The following IFT140 variants were observed in gnomAD, a reference collection of about 807,000 sequenced individuals.
The protein encoded by IFT140 is intraflagellar transport protein 140 homolog.
IFT140 carries 133 observed loss-of-function variants against 164.6 expected under a neutral mutation model. That is an observed-to-expected ratio of 0.81 (90% CI 0.70 to 0.93). IFT140 has a LOEUF of 0.93. Among genes scored for constraint, IFT140 ranks in the 40% least tolerant of loss-of-function variants. IFT140 has a pLI of 0.00. For missense variants in IFT140, 2,045 were observed against 1,972.3 expected, an observed-to-expected ratio of 1.04 and a Z score of -0.70; for synonymous variants, 860 against 817.3, an observed-to-expected ratio of 1.05 and a Z score of -0.89.
intron 7 of IFT140, among the ~76,000 whole-genome samples, chr16:1,589,016 G>A (rs1417627313): frequency 6.6e-6 from 1 of 152,194 alleles, no homozygotes; most frequent in South Asian, 2.1e-4. Flanking sequence ...CTGCTGTCAC[G>A]TCACGCAGTC....
At chr16:1,570,617 G>A (rs938200812) in intron 14 of IFT140, among the ~76,000 whole-genome samples, 2 of 152,096 alleles carry the variant, frequency 1.3e-5, no homozygotes, top group South Asian at 2.1e-4. Context: ...CTAAGTGCTC[G>A]CCAGGGCCTC....
chr16:1,557,881 A>G, intron 19 of IFT140, 54 bp downstream of exon 19: 1 of 1,551,858 alleles, frequency 6.4e-7, no homozygotes, highest in Non-Finnish European at 8.9e-7. Context: ...GGGAGAAAGG[A>G]AAGAGCCGTG....
intron 30 of IFT140, among the ~76,000 whole-genome samples, chr16:1,512,188 G>A (rs1207291502): frequency 7.3e-5 from 8 of 109,708 alleles, no homozygotes; most frequent in Admixed American, 3.6e-4. Context: ...GGGCAGGACA[G>A]GCGGCATAGG....
intron 19 of IFT140, among the ~76,000 whole-genome samples, chr16:1,527,295 C>T (rs928313979): frequency 2.0e-5 from 3 of 152,198 alleles, no homozygotes; most frequent in African/African-American, 7.2e-5. Flanking sequence ...GACCCTGACC[C>T]AGCCCTGGAA....
At chr16:1,610,263 T>C (rs201326549) in intron 2 of IFT140, 1 of 155,034 alleles carries the variant, frequency 6.5e-6, no homozygotes, top group Non-Finnish European at 1.5e-5. Context: ...CGCTGGCGGT[T>C]TGATGCAACA....
intron 12 of IFT140, 115 bp from the exon 13 acceptor site, chr16:1,580,965 A>G (rs2034528106): frequency 2.8e-6 from 2 of 704,038 alleles, no homozygotes; most frequent in African/African-American, 1.8e-5. Context: ...CCACAGCTTC[A>G]TAGGGGTGCA....
rs2034009564 is a variant in IFT140, at chr16:1,571,482, A to G, written c.1577T>C (p.Phe526Ser). The change falls in exon 14 of 31, where the codon TTC (phenylalanine) becomes TCC (serine). Residue 526 changes from phenylalanine (F) to serine (S), a missense_variant. Coordinates refer to ENST00000426508, the MANE Select transcript of IFT140 (RefSeq NM_014714.4). ...CAGGAAATTCCCACAGATGTCCAAGAAGCAGGGATTCCCCTCAGTCTCCGA... is the reference window on the plus strand; with the variant it reads ...CAGGAAATTCCCACAGATGTCCAAGGAGCAGGGATTCCCCTCAGTCTCCGA... ...LFSETEGNPC[F>S]LDICGNFLVV... 1 of 1,614,030 alleles carries G rather than the reference A, an allele frequency of 6.2e-7. No individual in the cohort carries two copies. The highest frequency in any genetic ancestry group is 8.5e-7 in the Non-Finnish European group (1 of 1,179,964).
chr16:1,554,045 A>G (rs1367502933), intron 19 of IFT140: 2 of 1,287,142 alleles, frequency 1.6e-6, no homozygotes, highest in African/African-American at 3.0e-5. Context: ...CAGGCTCTGG[A>G]AAGAGAGGGG....
At chr16:1,513,172 CTA>C (rs2040223430) in intron 30 of IFT140, 2 of 152,164 alleles carry the variant, frequency 1.3e-5, no homozygotes, top group Non-Finnish European at 2.9e-5. Flanking sequence ...GTGCAATTCT[CTA>C]TGTTGGCTAC....
At position 1,602,572 on chromosome 16, in the gene IFT140, G is replaced by GT. The variant is rs1567429014; in HGVS notation, c.166dup (p.Thr56AsnfsTer34). On this transcript the variant is annotated frameshift_variant, in exon 4 of 31. Coordinates refer to ENST00000426508, the MANE Select transcript of IFT140 (RefSeq NM_014714.4). LOFTEE classifies it high-confidence loss of function. ...AACCCGGAACGGCCTCTCGACGTGTGTATCTGGCACGCACTCCCCCTGCAT... is the reference window on the plus strand; with the variant it reads ...AACCCGGAACGGCCTCTCGACGTGTGTTATCTGGCACGCACTCCCCCTGCAT... 1.9e-6 allele frequency: 3 copies of GT among 1,612,578 alleles called. No homozygotes were observed. The African/African-American group carries it at 4.0e-5, about 22-fold the overall frequency.
intron 26 of IFT140, among the ~76,000 whole-genome samples, chr16:1,521,022 T>C (rs1157187913): frequency 2.0e-5 from 3 of 152,196 alleles, no homozygotes; most frequent in Non-Finnish European, 4.4e-5. Flanking sequence ...CATTCCAGAA[T>C]GGAACGAAGG....
intron 19 of IFT140, among the ~76,000 whole-genome samples, chr16:1,539,981 T>C (rs552789229): frequency 1.8e-4 from 28 of 152,210 alleles, no homozygotes; most frequent in Admixed American, 1.5e-3. Flanking sequence ...AAGCCTGGCA[T>C]CCAGGAAGGA....
chr16:1,565,238 G>A (rs528784287), intron 16 of IFT140, among the ~76,000 whole-genome samples: 74 of 152,190 alleles, frequency 4.9e-4, no homozygotes, highest in Non-Finnish European at 9.4e-4. Context: ...GGTTCGAGGA[G>A]CGGCCCAAGA....
chr16:1,601,903 C>T (rs924722555), intron 4 of IFT140, among the ~76,000 whole-genome samples: 6 of 152,208 alleles, frequency 3.9e-5, no homozygotes, highest in African/African-American at 1.4e-4. Flanking sequence ...GATTCAGTTG[C>T]CTCTGCACCA....
At position 1,580,831 on chromosome 16, in the gene IFT140, C is replaced by T. The variant is rs914258252; in HGVS notation, c.1452G>A (p.Thr484=). 15 of 1,613,254 alleles carry T rather than the reference C, an allele frequency of 9.3e-6. No homozygotes were observed. The highest frequency in any genetic ancestry group is 5.0e-5 in the Admixed American group (3 of 59,974). The change falls in exon 13 of 31, where the codon ACG becomes ACA. Residue 484 remains threonine, a synonymous_variant. Transcript: ENST00000426508. The part of the protein sequence containing the change: ...IRSAGTFLCE[T]PVLAMHEENV... The stretch of plus-strand genomic sequence containing the variant: ...TTTCTTCATGCATTGCTAACACAGG[C>T]GTCTCACACAAGAAGGTCCCTAAAA...
chr16:1,554,089 G>C, intron 19 of IFT140: 1 of 1,287,174 alleles, frequency 7.8e-7, no homozygotes, highest in Non-Finnish European at 1.0e-6. Flanking sequence ...AGGGAGGAGG[G>C]AGGGTCTAGA....
intron 10 of IFT140, among the ~76,000 whole-genome samples, chr16:1,584,908 G>GA (rs1170596659): frequency 1.3e-5 from 2 of 152,090 alleles, no homozygotes; most frequent in African/African-American, 2.4e-5. Context: ...TTCCATATAG[G>GA]AAAAAACCCA....
chr16:1,576,194 G>A (rs1488358675), intron 13 of IFT140, among the ~76,000 whole-genome samples: 1 of 151,268 alleles, frequency 6.6e-6, no homozygotes, highest in Non-Finnish European at 1.5e-5. Context: ...GCTGAGAAAG[G>A]AGAACTGCTT....
At chr16:1,516,757 G>A (rs1369669955) in intron 30 of IFT140, among the ~76,000 whole-genome samples, 4 of 129,200 alleles carry the variant, frequency 3.1e-5, no homozygotes, top group South Asian at 2.4e-4. Context: ...GCGACAGAGC[G>A]ACACTCTGTC....
Sources: gnomAD v4.1 joint callset for allele counts (sites outside exome capture counted in the v4.1 genomes callset) on GRCh38, gnomAD v4.1.1 for gene constraint, MANE v1.5 for transcripts, NCBI Gene and HGNC (gene_info 2026-07-23, HGNC 2026-07-21) for gene names.